Variants in PCDH7 observed in about 807,000 individuals in gnomAD.
PCDH7 encodes protocadherin 7.
PCDH7 carries 17 observed loss-of-function variants against 58.9 expected under a neutral mutation model. The observed-to-expected ratio is 0.29, with a 90% CI of 0.20 to 0.43. PCDH7 has a LOEUF of 0.43. PCDH7 is among the 20% of genes least tolerant of loss of function. The probability of loss-of-function intolerance (pLI) is 1.00; values close to 1 mark genes in which losing one functional copy is unlikely to be tolerated. For missense variants in PCDH7, 1,274 were observed against 1,441.0 expected, an observed-to-expected ratio of 0.88 and a Z score of 1.88; for synonymous variants, 664 against 616.4, an observed-to-expected ratio of 1.08 and a Z score of -1.14.
intron 3 of PCDH7, among the ~76,000 whole-genome samples, chr4:31,008,841 A>G (rs1255228082): frequency 6.6e-6 from 1 of 152,126 alleles, no homozygotes; most frequent in African/African-American, 2.4e-5. Flanking sequence ...TTAAGCTAAC[A>G]TAGTTCTTAT....
chr4:30,791,375 T>TA, intron 1 of PCDH7, among the ~76,000 whole-genome samples: 1 of 152,186 alleles, frequency 6.6e-6, no homozygotes, highest in Non-Finnish European at 1.5e-5. Flanking sequence ...ATATTTACTA[T>TA]TTACCTTATA....
intron 1 of PCDH7, among the ~76,000 whole-genome samples, chr4:30,839,364 C>T (rs573967617): frequency 8.6e-5 from 13 of 151,952 alleles, no homozygotes; most frequent in Non-Finnish European, 1.3e-4. Flanking sequence ...ACAGAAGTAA[C>T]GATAGTTTTT....
At chr4:30,732,775 T>C (rs968085085) in exon 2 of PCDH7, 11 of 152,048 alleles carry the variant, frequency 7.2e-5, no homozygotes, top group Non-Finnish European at 1.5e-4. Flanking sequence ...TATTTACTAT[T>C]ATGACTGGAA....
At chr4:31,145,156 G>A (rs1055006174), downstream of PCDH7, 1 of 151,350 alleles carries the variant, frequency 6.6e-6, no homozygotes, top group Non-Finnish European at 1.5e-5. Context: ...AAACTAATAC[G>A]GGTCACACCG....
At chr4:30,802,244 C>G (rs972797197) in intron 1 of PCDH7, among the ~76,000 whole-genome samples, 2 of 152,066 alleles carry the variant, frequency 1.3e-5, no homozygotes, top group Non-Finnish European at 2.9e-5. Flanking sequence ...TGAGAAAAGG[C>G]TATTTTATAT....
chr4:30,896,939 CTGT>C (rs1739494531), intron 1 of PCDH7, among the ~76,000 whole-genome samples: 1 of 95,400 alleles, frequency 1.0e-5, no homozygotes, highest in Non-Finnish European at 1.9e-5. Flanking sequence ...GAGTCTTGCT[CTGT>C]CACCCAGGCT....
intron 3 of PCDH7, among the ~76,000 whole-genome samples, chr4:31,136,707 C>T (rs1719641950): frequency 6.6e-6 from 1 of 152,166 alleles, no homozygotes. Flanking sequence ...GATTCCCGCC[C>T]TGACCGTGAA....
At chr4:30,900,759 G>T (rs2109394072) in intron 1 of PCDH7, among the ~76,000 whole-genome samples, 1 of 152,278 alleles carries the variant, frequency 6.6e-6, no homozygotes, top group Admixed American at 6.5e-5. Flanking sequence ...GTGCTGTCTA[G>T]TGATGGCATT....
intron 3 of PCDH7, among the ~76,000 whole-genome samples, chr4:31,023,617 T>A (rs1439616440): frequency 1.3e-5 from 2 of 152,202 alleles, no homozygotes; most frequent in Non-Finnish European, 2.9e-5. Context: ...AGTATGATAA[T>A]GATCTGACAT....
chr4:31,010,976 T>A (rs529107272), intron 3 of PCDH7, among the ~76,000 whole-genome samples: 1 of 152,056 alleles, frequency 6.6e-6, no homozygotes, highest in South Asian at 2.1e-4. Context: ...CCCCGATAAA[T>A]CTGTTGAAAT....
chr4:31,121,877 T>C (rs2109324638), intron 3 of PCDH7, among the ~76,000 whole-genome samples: 1 of 152,250 alleles, frequency 6.6e-6, no homozygotes, highest in Non-Finnish European at 1.5e-5. Flanking sequence ...GGTAGCAGAT[T>C]TTATTATATC....
At chr4:31,005,531 T>A (rs1172025050) in intron 3 of PCDH7, among the ~76,000 whole-genome samples, 2 of 152,198 alleles carry the variant, frequency 1.3e-5, no homozygotes, top group African/African-American at 2.4e-5. Flanking sequence ...TGGGAAGTAA[T>A]GATTTGCCAA....
rs188452894 is a variant in PCDH7 at position 30,741,963 on chromosome 4, A to G, written c.70+17367A>G. ...TCATTGTAAGAACTTCATGAAATTT[A>G]TGATTTGCTCTGTGTCTATTATTAT... On this transcript the variant is annotated intron_variant, in intron 1 of 3. Transcript: ENST00000509759. Among the ~76,000 whole-genome samples, 379 of 152,320 alleles carry G rather than the reference A, an allele frequency of 2.5e-3. 1 individual carries two copies. Among genetic ancestry groups the G allele is most frequent in the African/African-American group, 8.7e-3 (362 of 41,576 alleles).
chr4:31,052,967 T>C (rs1383790711), intron 3 of PCDH7, among the ~76,000 whole-genome samples: 1 of 152,184 alleles, frequency 6.6e-6, no homozygotes, highest in Non-Finnish European at 1.5e-5. Context: ...AATGCTATGG[T>C]GTGACTGCTA....
At chr4:30,974,261 T>TTTCCA (rs1045360273) in intron 3 of PCDH7, among the ~76,000 whole-genome samples, 6 of 151,104 alleles carry the variant, frequency 4.0e-5, no homozygotes, top group African/African-American at 1.5e-4. Flanking sequence ...TTTCCTTTCC[T>TTTCCA]TTCCTTTCCT....
At chr4:30,813,006 C>T (rs766121513) in intron 1 of PCDH7, among the ~76,000 whole-genome samples, 2 of 152,114 alleles carry the variant, frequency 1.3e-5, no homozygotes, top group Non-Finnish European at 2.9e-5. Flanking sequence ...TGAGGCAACT[C>T]AATCAGAATT....
chr4:31,138,002 G>A (rs553461187), intron 3 of PCDH7, among the ~76,000 whole-genome samples: 1 of 152,064 alleles, frequency 6.6e-6, no homozygotes, highest in South Asian at 2.1e-4. Flanking sequence ...ATCCTTCCTG[G>A]TGCAGAACTG....
intron 3 of PCDH7, among the ~76,000 whole-genome samples, chr4:31,018,835 C>T (rs1753808399): frequency 6.6e-6 from 1 of 152,014 alleles, no homozygotes; most frequent in Non-Finnish European, 1.5e-5. Flanking sequence ...AAATAAAATC[C>T]TTATGTATTA....
chr4:31,117,917 G>T (rs114080458), intron 3 of PCDH7, among the ~76,000 whole-genome samples: 2,555 of 152,236 alleles, frequency 0.017, 34 homozygotes, highest in Non-Finnish European at 0.027. Context: ...AATCAGAAAA[G>T]CTACGTTTTA....
Sources: allele counts gnomAD v4.1 joint callset (sites outside exome capture counted in the v4.1 genomes callset), GRCh38; gene constraint gnomAD v4.1.1; transcripts MANE v1.5; gene names NCBI Gene and HGNC (gene_info 2026-07-23, HGNC 2026-07-21).